The following CATSPERB variants were observed in gnomAD, a reference collection of about 807,000 sequenced individuals.
CATSPERB encodes cation channel sperm-associated auxiliary subunit beta.
CATSPERB carries 93 observed loss-of-function variants against 128.3 expected under a neutral mutation model. The observed-to-expected ratio is 0.72, with a 90% CI of 0.61 to 0.86. CATSPERB has a LOEUF of 0.86. CATSPERB is among the 40% of genes least tolerant of loss of function. The pLI, the probability that CATSPERB is intolerant of heterozygous loss-of-function variation, is 0.00. For synonymous variants in CATSPERB, 381 were observed against 448.8 expected (o/e 0.85, Z 1.91); for missense variants, 1,153 against 1,329.5 (o/e 0.87, Z 2.06).
Position 91,624,842 on chromosome 14 carries a change from A to T in CATSPERB, c.1908T>A (p.Tyr636Ter), listed in dbSNP as rs778105927. 1 of 1,605,520 alleles carries T rather than the reference A, an allele frequency of 6.2e-7. No homozygotes were observed. Residue 636 changes from tyrosine (Y) to a stop codon, truncating the protein, a stop_gained, in exon 18 of 27, where the codon TAT (tyrosine) becomes TAA (stop). Coordinates refer to ENST00000256343, the MANE Select transcript of CATSPERB (RefSeq NM_024764.4). LOFTEE classifies it high-confidence loss of function. ...TACCTTGTGAATCAAGAGTGAGTTT[A>T]TAGACATTTCCAGCTTTATTAATCA... ...SLLINKAGNV[Y>*]KLTLDSQVVQ...
At chr14:91,689,876 C>A (rs2139843769) in intron 10 of CATSPERB, among the ~76,000 whole-genome samples, 1 of 152,300 alleles carries the variant, frequency 6.6e-6, no homozygotes, top group African/African-American at 2.4e-5. Context: ...TTACAAAGAT[C>A]TTAAATACTT....
chr14:91,719,522 A>G (rs1229874867), intron 4 of CATSPERB, 44 bp from the exon 5 acceptor site: 2 of 1,374,870 alleles, frequency 1.5e-6, no homozygotes, highest in Non-Finnish European at 1.0e-6. Context: ...TACAACATGA[A>G]TAACAACACA....
chr14:91,619,545 CT>C (rs139548621), intron 19 of CATSPERB, among the ~76,000 whole-genome samples: 1 of 27,144 alleles, frequency 3.7e-5, no homozygotes, highest in African/African-American at 6.5e-5. Context: ...TCAAATAAGC[CT>C]TTTTTTTAAA....
rs367714679 is a variant in CATSPERB at position 91,722,018 on chromosome 14, A to G, written c.309+1031T>C. Among the ~76,000 whole-genome samples, 45 of 152,272 alleles carry G rather than the reference A, an allele frequency of 3.0e-4. 1 individual carries two copies. The highest frequency in any genetic ancestry group is 9.4e-4 in the African/African-American group (39 of 41,554). ...GGAGTTCAAATCCTGCCTGGGCAAC[A>G]CAGCAAGACCCTGTCTCTAAACAAA... On this transcript the variant is annotated intron_variant, in intron 4 of 26. Coordinates refer to ENST00000256343, the MANE Select transcript of CATSPERB (RefSeq NM_024764.4).
At chr14:91,637,175 A>G (rs75892627) in intron 16 of CATSPERB, among the ~76,000 whole-genome samples, 6 of 152,084 alleles carry the variant, frequency 3.9e-5, no homozygotes, top group Non-Finnish European at 8.8e-5. Flanking sequence ...CTTTTAGGGG[A>G]GAGAAGAGAG....
At chr14:91,605,159 A>C in intron 22 of CATSPERB, 2 of 1,397,274 alleles carry the variant, frequency 1.4e-6, no homozygotes, top group South Asian at 2.3e-5. Flanking sequence ...GGAGGAAGGA[A>C]GAGGAGAGAC....
At position 91,694,403 on chromosome 14, in the gene CATSPERB, G is replaced by A. The variant is rs116555699; in HGVS notation, c.617-924C>T. Among the ~76,000 whole-genome samples the A allele has an allele frequency of 5.1e-3, 651 of 127,914 alleles. 8 individuals are homozygous for A. The highest frequency in any genetic ancestry group is 0.018 in the African/African-American group (583 of 32,764). 83.9% of individuals were successfully genotyped at this position (127,914 alleles called of 152,430 possible). A position where few individuals can be genotyped will look rare whatever the true frequency, so the allele number is the denominator to read the frequency against. On this transcript the variant is annotated intron_variant, in intron 7 of 26. Transcript: ENST00000256343. ...AGGCTGTAGTGAACTATGATCATGC[G>A]ACTCCAGGCTGGGAGACAAAGAGAG...
intron 14 of CATSPERB, among the ~76,000 whole-genome samples, chr14:91,667,764 C>T (rs533705735): frequency 2.2e-4 from 33 of 152,272 alleles, no homozygotes; most frequent in African/African-American, 7.9e-4. Context: ...TGCTACCTGG[C>T]GTTTACAGGA....
At chr14:91,596,305 G>A (rs1236879277) in intron 22 of CATSPERB, among the ~76,000 whole-genome samples, 6 of 151,806 alleles carry the variant, frequency 4.0e-5, no homozygotes, top group East Asian at 1.9e-4. Flanking sequence ...CCGGGTTCAC[G>A]CCATTCTCCT....
intron 15 of CATSPERB, among the ~76,000 whole-genome samples, chr14:91,659,380 T>G (rs943857752): frequency 6.6e-6 from 1 of 152,240 alleles, no homozygotes; most frequent in African/African-American, 2.4e-5. Context: ...CTATATAAAC[T>G]TGATCAATGA....
chr14:91,598,842 A>G (rs1285789579), intron 22 of CATSPERB, among the ~76,000 whole-genome samples: 1 of 133,674 alleles, frequency 7.5e-6, no homozygotes, highest in African/African-American at 2.8e-5. Context: ...TGGGCAACAG[A>G]GCAAGACTCT....
intron 17 of CATSPERB, chr14:91,635,513 C>T (rs1475402224): frequency 1.3e-5 from 2 of 152,092 alleles, no homozygotes; most frequent in African/African-American, 4.8e-5. Flanking sequence ...TGAGCCACCA[C>T]ACCTGGCTAA....
At chr14:91,705,975 G>C (rs981269895) in intron 6 of CATSPERB, among the ~76,000 whole-genome samples, 6 of 152,060 alleles carry the variant, frequency 3.9e-5, no homozygotes, top group Admixed American at 6.5e-5. Context: ...AAAAAAAAGA[G>C]TACAAAAAGT....
intron 10 of CATSPERB, 29 bp from the exon 11 acceptor site, chr14:91,683,972 C>T (rs1482094259): frequency 2.8e-6 from 4 of 1,438,798 alleles, no homozygotes; most frequent in Non-Finnish European, 3.8e-6. Flanking sequence ...TATCACTTAG[C>T]CAATATGTAG....
At chr14:91,640,947 A>G (rs1456330152) in intron 15 of CATSPERB, among the ~76,000 whole-genome samples, 1 of 151,682 alleles carries the variant, frequency 6.6e-6, no homozygotes, top group Non-Finnish European at 1.5e-5. Context: ...GTGAGATGGT[A>G]TCTCATAGTG....
At chr14:91,604,277 G>T in intron 22 of CATSPERB, 1 of 677,186 alleles carries the variant, frequency 1.5e-6, no homozygotes, top group Non-Finnish European at 2.7e-6. Context: ...GACTGGATAG[G>T]CATAATGGAA....
intron 21 of CATSPERB, among the ~76,000 whole-genome samples, chr14:91,609,173 A>T (rs969306143): frequency 3.9e-5 from 6 of 152,034 alleles, no homozygotes; most frequent in Non-Finnish European, 8.8e-5. Context: ...AAGAACCTCA[A>T]TCTACAGTGT....
chr14:91,621,663 G>C lies in CATSPERB; in HGVS notation c.2205C>G (p.Tyr735Ter). 1 of 1,613,320 alleles carries C rather than the reference G, an allele frequency of 6.2e-7. No individual in the cohort carries two copies. The highest frequency in any genetic ancestry group is 8.5e-7 in the Non-Finnish European group (1 of 1,179,442). ...DDSPSLNIVK[Y>*]IDLGNSYVLK... Reference sequence around the variant, plus strand: ...AAACATAAGAGTTTCCCAGATCAATGTATTTCACGATGTTGAGGGATGGTG... The same window carrying C: ...AAACATAAGAGTTTCCCAGATCAATCTATTTCACGATGTTGAGGGATGGTG... The change falls in exon 19 of 27, where the codon TAC (tyrosine) becomes TAG (stop). Residue 735 changes from tyrosine (Y) to a stop codon, truncating the protein, a stop_gained. Transcript: ENST00000256343. LOFTEE classifies it high-confidence loss of function.
chr14:91,690,798 T>A (rs1895455426), intron 10 of CATSPERB, among the ~76,000 whole-genome samples: 1 of 152,242 alleles, frequency 6.6e-6, no homozygotes, highest in African/African-American at 2.4e-5. Flanking sequence ...CAGTCCAAGA[T>A]AAAGGTGCAG....
Sources: allele counts gnomAD v4.1 joint callset (sites outside exome capture counted in the v4.1 genomes callset), GRCh38; gene constraint gnomAD v4.1.1; transcripts MANE v1.5; gene names NCBI Gene and HGNC (gene_info 2026-07-23, HGNC 2026-07-21).